Variants in TNIK observed in about 807,000 individuals in gnomAD.
TNIK encodes the protein TRAF2 and NCK interacting kinase, also known as TRAF2 and NCK-interacting protein kinase.
A neutral mutation model predicts 191.3 loss-of-function variants in TNIK; 49 were observed. That is an observed-to-expected ratio of 0.26 (90% CI 0.20 to 0.32). The LOEUF (loss-of-function observed/expected upper bound fraction) is 0.32. Ranked by LOEUF, TNIK falls within the 10% of genes least tolerant of loss-of-function variation. The pLI, the probability that TNIK is intolerant of heterozygous loss-of-function variation, is 1.00. For missense variants in TNIK, 1,155 were observed against 1,702.3 expected, an observed-to-expected ratio of 0.68 and a Z score of 5.66; for synonymous variants, 594 against 600.9, an observed-to-expected ratio of 0.99 and a Z score of 0.17.
At chr3:171,336,418 CCT>C (rs1400424088) in intron 2 of TNIK, among the ~76,000 whole-genome samples, 2 of 152,160 alleles carry the variant, frequency 1.3e-5, no homozygotes, top group Non-Finnish European at 2.9e-5. Context: ...TTGTCTCCCT[CCT>C]CTCTCTCAGG....
chr3:171,235,955 C>T (rs1219405433), intron 2 of TNIK, among the ~76,000 whole-genome samples: 3 of 152,222 alleles, frequency 2.0e-5, no homozygotes, highest in African/African-American at 7.2e-5. Context: ...TTAAAATAGC[C>T]TGTGTGAATT....
intron 15 of TNIK, among the ~76,000 whole-genome samples, chr3:171,129,959 G>A (rs1158315447): frequency 2.6e-5 from 4 of 152,102 alleles, no homozygotes; most frequent in Admixed American, 6.5e-5. Context: ...CTTGACTGTT[G>A]TGCTTCCCAA....
chr3:171,440,091 C>G (rs1726584023), intron 1 of TNIK, among the ~76,000 whole-genome samples: 9 of 152,150 alleles, frequency 5.9e-5, no homozygotes, highest in Admixed American at 5.9e-4. Context: ...CCATGCTAGG[C>G]TGGGCGAATG....
intron 18 of TNIK, among the ~76,000 whole-genome samples, chr3:171,115,626 A>C (rs754902579): frequency 1.3e-5 from 2 of 152,220 alleles, no homozygotes; most frequent in East Asian, 1.9e-4. Flanking sequence ...TTCCTGATGC[A>C]TGTGGGTGCA....
At chr3:171,322,108 T>A (rs983207644) in intron 2 of TNIK, among the ~76,000 whole-genome samples, 1 of 152,206 alleles carries the variant, frequency 6.6e-6, no homozygotes, top group Non-Finnish European at 1.5e-5. Flanking sequence ...AAGCTATTTT[T>A]ACTCCTACAA....
chr3:171,157,317 G>A, intron 12 of TNIK, 143 bp downstream of exon 12: 1 of 1,036,584 alleles, frequency 9.6e-7, no homozygotes, highest in Non-Finnish European at 1.4e-6. Context: ...AGAGCATTCA[G>A]GACTTATCTG....
chr3:171,176,780 C>T (rs142698680), intron 8 of TNIK, among the ~76,000 whole-genome samples: 2 of 152,212 alleles, frequency 1.3e-5, no homozygotes, highest in Non-Finnish European at 2.9e-5. Context: ...GAGGCACAGT[C>T]TCATGACAGA....
intron 6 of TNIK, 92 bp from the exon 7 acceptor site, chr3:171,188,924 T>C: frequency 6.9e-7 from 1 of 1,459,364 alleles, no homozygotes; most frequent in Non-Finnish European, 9.3e-7. Context: ...TGGTAAAACA[T>C]AAGTAACATA....
chr3:171,259,550 G>A (rs571104672), intron 2 of TNIK, among the ~76,000 whole-genome samples: 111 of 152,222 alleles, frequency 7.3e-4, no homozygotes, highest in Middle Eastern at 6.8e-3. Context: ...TCACCCTCAC[G>A]TTGGAAAGAC....
At chr3:171,145,209 C>T (rs1731383432) in intron 12 of TNIK, among the ~76,000 whole-genome samples, 1 of 151,992 alleles carries the variant, frequency 6.6e-6, no homozygotes. Flanking sequence ...GCCTCAGCCT[C>T]CCGAGTAGCT....
At chr3:171,125,853 T>C in intron 17 of TNIK, 59 bp downstream of exon 17, 1 of 1,588,800 alleles carries the variant, frequency 6.3e-7, no homozygotes, top group East Asian at 2.3e-5. Flanking sequence ...TCTGGAATAG[T>C]GGTAATAAAA....
intron 1 of TNIK, among the ~76,000 whole-genome samples, chr3:171,378,133 C>A (rs1322453127): frequency 6.6e-6 from 1 of 152,102 alleles, no homozygotes; most frequent in Non-Finnish European, 1.5e-5. Flanking sequence ...AGCCAGAAGC[C>A]CCAGAGAGGG....
intron 7 of TNIK, among the ~76,000 whole-genome samples, chr3:171,183,908 G>A (rs1232898261): frequency 7.8e-6 from 1 of 127,536 alleles, no homozygotes; most frequent in Non-Finnish European, 1.6e-5. Context: ...GTGACAAGAG[G>A]TAGACTCCGT....
chr3:171,241,938 G>A (rs1211532829), intron 2 of TNIK, among the ~76,000 whole-genome samples: 2 of 149,590 alleles, frequency 1.3e-5, no homozygotes, highest in Non-Finnish European at 3.0e-5. Flanking sequence ...AACACCACAT[G>A]TTCTCACTCA....
In TNIK at chr3:171,062,453, C is replaced by G. The variant is rs1257590281; in HGVS notation, c.*1428G>C. 1 of 152,032 alleles carries G rather than the reference C, an allele frequency of 6.6e-6. No individual in the cohort carries two copies. The highest frequency in any genetic ancestry group is 2.4e-5 in the African/African-American group (1 of 41,402). The allele number at this position is 152,032 out of a possible 1,614,324, so 9.4% of individuals were successfully genotyped here. Reference sequence around the variant, plus strand: ...GATATTGTTTGCAACACCTCGATACCACAGGCGGCCATGCTTGTAGCTTTG... The same window carrying G: ...GATATTGTTTGCAACACCTCGATACGACAGGCGGCCATGCTTGTAGCTTTG... On this transcript the variant is annotated 3_prime_UTR_variant, in exon 33 of 33. Transcript: ENST00000436636.
At chr3:171,331,066 A>T (rs1353268125) in intron 2 of TNIK, among the ~76,000 whole-genome samples, 2 of 152,210 alleles carry the variant, frequency 1.3e-5, no homozygotes, top group Non-Finnish European at 1.5e-5. Flanking sequence ...CCTCACATGA[A>T]AACAAGATTT....
intron 21 of TNIK, among the ~76,000 whole-genome samples, chr3:171,102,541 G>T (rs1038401793): frequency 6.6e-6 from 1 of 152,148 alleles, no homozygotes; most frequent in African/African-American, 2.4e-5. Flanking sequence ...TTCTGCAAAA[G>T]CATGGCCGCT....
At chr3:171,429,359 C>T (rs1029312969) in intron 1 of TNIK, among the ~76,000 whole-genome samples, 2 of 152,192 alleles carry the variant, frequency 1.3e-5, no homozygotes, top group African/African-American at 4.8e-5. Flanking sequence ...GCCCATGTCA[C>T]TCATCTAATA....
At chr3:171,074,511 A>T (rs1047769928) in intron 28 of TNIK, among the ~76,000 whole-genome samples, 2 of 152,128 alleles carry the variant, frequency 1.3e-5, no homozygotes, top group Non-Finnish European at 2.9e-5. Context: ...TCTAAAATAA[A>T]TTTTAAAAAG....
Sources: allele counts gnomAD v4.1 joint callset (sites outside exome capture counted in the v4.1 genomes callset), GRCh38; gene constraint gnomAD v4.1.1; transcripts MANE v1.5; gene names NCBI Gene and HGNC (gene_info 2026-07-23, HGNC 2026-07-21).